The following BMP2K variants were observed in gnomAD, a reference collection of about 807,000 sequenced individuals.
BMP2K encodes BMP-2-inducible protein kinase.
Under a neutral mutation model 116.0 loss-of-function variants are expected in BMP2K, and 74 were observed. The ratio of observed to expected loss-of-function variants is 0.64; its 90% CI spans 0.53 to 0.77. BMP2K has a LOEUF of 0.77. BMP2K is among the 30% of genes least tolerant of loss of function. The pLI, the probability that BMP2K is intolerant of heterozygous loss-of-function variation, is 0.00. For missense variants in BMP2K, 1,365 were observed against 1,403.6 expected (o/e 0.97, Z 0.44); for synonymous variants, 486 against 502.5 (o/e 0.97, Z 0.44).
chr4:78,840,099 A>G (rs1277972023), intron 3 of BMP2K, among the ~76,000 whole-genome samples: 1 of 151,300 alleles, frequency 6.6e-6, no homozygotes, highest in East Asian at 1.9e-4. Context: ...TTTTTAACTA[A>G]GTGGTAATAT....
chr4:78,903,997 G>A (rs767228077), intron 15 of BMP2K, among the ~76,000 whole-genome samples: 67 of 151,982 alleles, frequency 4.4e-4, no homozygotes, highest in Non-Finnish European at 8.1e-4. Flanking sequence ...GATTTCTTAC[G>A]TATAAAAAGA....
rs1256345002 is a variant in BMP2K, at chr4:78,913,720, C to T, written c.*1687C>T. 1.3e-5 allele frequency: 2 copies of T among 152,120 alleles called. No homozygotes were observed. Among genetic ancestry groups the T allele is most frequent in the Non-Finnish European group, 2.9e-5 (2 of 67,980 alleles). 9.4% of individuals were successfully genotyped at this position (152,120 alleles called of 1,614,324 possible). ...AAGCAAAGTATATGTAACTAAACCA[C>T]ATATTTGTCTTTTTATTGCTTTTTC... On this transcript the variant is annotated 3_prime_UTR_variant, in exon 16 of 16. Coordinates refer to ENST00000502613, the MANE Select transcript of BMP2K (RefSeq NM_198892.2).
intron 2 of BMP2K, among the ~76,000 whole-genome samples, chr4:78,832,396 T>C (rs113364356): frequency 6.6e-6 from 1 of 152,200 alleles, no homozygotes; most frequent in African/African-American, 2.4e-5. Context: ...ACGTCTTTAC[T>C]AACACACATA....
At chr4:78,846,781 A>G (rs1194612504) in intron 5 of BMP2K, among the ~76,000 whole-genome samples, 1 of 151,716 alleles carries the variant, frequency 6.6e-6, no homozygotes, top group East Asian at 1.9e-4. Flanking sequence ...TAGTAAATAT[A>G]TAAATTAAGT....
At chr4:78,865,870 G>A in intron 10 of BMP2K, 150 bp downstream of exon 10, 1 of 763,186 alleles carries the variant, frequency 1.3e-6, no homozygotes. Flanking sequence ...AATAAATTCA[G>A]TTGGTTTCTC....
At chr4:78,804,561 A>T (rs1160968341) in intron 1 of BMP2K, among the ~76,000 whole-genome samples, 1 of 152,054 alleles carries the variant, frequency 6.6e-6, no homozygotes, top group Non-Finnish European at 1.5e-5. Flanking sequence ...GCAATTTATG[A>T]GGTTTTCCAA....
rs1364829982 is a variant in BMP2K at position 78,915,681 on chromosome 4, T to G, written c.*3648T>G. Reference sequence around the variant, plus strand: ...CTCTCTACTGTGGAGTTAATGTGAATTTTTAAAAAATGGAATTGCAACCAC... The same window carrying G: ...CTCTCTACTGTGGAGTTAATGTGAAGTTTTAAAAAATGGAATTGCAACCAC... On this transcript the variant is annotated 3_prime_UTR_variant, in exon 16 of 16. Coordinates refer to ENST00000502613, the MANE Select transcript of BMP2K (RefSeq NM_198892.2). 6.6e-6 allele frequency: 1 copy of G among 151,948 alleles called. No homozygotes were observed. The highest frequency in any genetic ancestry group is 2.4e-5 in the African/African-American group (1 of 41,424). 9.4% of individuals were successfully genotyped at this position (151,948 alleles called of 1,614,324 possible).
intron 2 of BMP2K, among the ~76,000 whole-genome samples, chr4:78,829,755 CTTTTCTTTT>C (rs1448706230): frequency 3.7e-5 from 4 of 108,868 alleles, no homozygotes; most frequent in African/African-American, 2.2e-4. Context: ...TGGAAACAAT[CTTTTCTTTT>C]CTTTTCTTTT....
intron 1 of BMP2K, among the ~76,000 whole-genome samples, chr4:78,824,554 C>T (rs534631052): frequency 6.6e-6 from 1 of 152,216 alleles, no homozygotes; most frequent in Non-Finnish European, 1.5e-5. Context: ...CCACCAGGCT[C>T]TGCCCTTGAC....
chr4:78,810,904 T>A (rs1729060005), intron 1 of BMP2K, among the ~76,000 whole-genome samples: 1 of 152,186 alleles, frequency 6.6e-6, no homozygotes, highest in African/African-American at 2.4e-5. Context: ...TCCTCATTGC[T>A]TTTTTTAATA....
At chr4:78,795,815 G>T (rs1728233652) in intron 1 of BMP2K, among the ~76,000 whole-genome samples, 1 of 152,156 alleles carries the variant, frequency 6.6e-6, no homozygotes. Context: ...GGCCATCAGA[G>T]AAATGCAAAT....
At chr4:78,886,674 A>T (rs930130450) in intron 14 of BMP2K, among the ~76,000 whole-genome samples, 3 of 151,966 alleles carry the variant, frequency 2.0e-5, no homozygotes, top group African/African-American at 7.2e-5. Context: ...TGTGTGTGCG[A>T]GAGAGAGAAT....
Position 78,912,825 on chromosome 4 carries a change from T to C in BMP2K, c.*792T>C, listed in dbSNP as rs1734726689. On this transcript the variant is annotated 3_prime_UTR_variant, in exon 16 of 16. Coordinates refer to ENST00000502613, the MANE Select transcript of BMP2K (RefSeq NM_198892.2). ...TAGAACAAAAATATGAAGAGAAATA[T>C]CTGACATTTGTAAAGAAATTATAAG... 2 of 151,982 alleles carry C rather than the reference T, an allele frequency of 1.3e-5. No homozygotes were observed. The highest frequency in any genetic ancestry group is 4.1e-4 in the South Asian group (2 of 4,822). The allele number at this position is 151,982 out of a possible 1,614,324, so 9.4% of individuals were successfully genotyped here. A position where few individuals can be genotyped will look rare whatever the true frequency, so the allele number is the denominator to read the frequency against.
intron 9 of BMP2K, among the ~76,000 whole-genome samples, chr4:78,864,213 G>T (rs1416636768): frequency 6.6e-6 from 1 of 152,082 alleles, no homozygotes; most frequent in Non-Finnish European, 1.5e-5. Flanking sequence ...ATCAGGTCTG[G>T]CCTGTACTAG....
At position 78,911,442 on chromosome 4, in the gene BMP2K, C is replaced by T; in HGVS notation, c.2895C>T (p.Ser965=). Residue 965 remains serine, a synonymous_variant, in exon 16 of 16, where the codon AGC becomes AGT. Transcript: ENST00000502613. The stretch of plus-strand genomic sequence containing the variant: ...TGCCCTTTGATGAAATAACGGGGAG[C>T]CAGCAGCAAAAAGTCAAACAGCGCA... The part of the protein sequence containing the change: ...GLVPFDEITG[S]QQQKVKQRSL... 1 of 1,614,012 alleles carries T rather than the reference C, an allele frequency of 6.2e-7. No homozygotes were observed. The highest frequency in any genetic ancestry group is 8.5e-7 in the Non-Finnish European group (1 of 1,179,896).
intron 2 of BMP2K, among the ~76,000 whole-genome samples, chr4:78,827,785 C>A (rs1163515298): frequency 2.0e-5 from 3 of 151,974 alleles, no homozygotes; most frequent in Non-Finnish European, 4.4e-5. Context: ...CAAAACAAAA[C>A]AAAAAAACTG....
At chr4:78,797,651 A>G (rs928931298) in intron 1 of BMP2K, among the ~76,000 whole-genome samples, 4 of 152,178 alleles carry the variant, frequency 2.6e-5, no homozygotes, top group African/African-American at 9.6e-5. Context: ...TATCATTTTT[A>G]TTAAGTTTTA....
chr4:78,881,198 A>C (rs1326568493), intron 14 of BMP2K, among the ~76,000 whole-genome samples: 3 of 152,220 alleles, frequency 2.0e-5, no homozygotes, highest in Admixed American at 1.3e-4. Context: ...CAATAAATAA[A>C]TGCCACTTTC....
intron 1 of BMP2K, among the ~76,000 whole-genome samples, chr4:78,808,397 C>T (rs1458498701): frequency 6.6e-6 from 1 of 151,814 alleles, no homozygotes; most frequent in African/African-American, 2.4e-5. Flanking sequence ...TCCTGAGTAG[C>T]TGGGACTACA....
Sources: gnomAD v4.1 joint callset for allele counts (sites outside exome capture counted in the v4.1 genomes callset) on GRCh38, gnomAD v4.1.1 for gene constraint, MANE v1.5 for transcripts, NCBI Gene and HGNC (gene_info 2026-07-23, HGNC 2026-07-21) for gene names.